Variants in TP63 observed in about 807,000 individuals in gnomAD.
TP63 encodes tumor protein 63.
In TP63, 17 loss-of-function variants were observed where a neutral mutation model predicts 82.8. The observed-to-expected ratio is 0.21, with a 90% CI of 0.14 to 0.31. The LOEUF (loss-of-function observed/expected upper bound fraction) is 0.31, where lower values mean the gene tolerates loss of function less well. Among genes scored for constraint, TP63 ranks in the 10% least tolerant of loss-of-function variants. The pLI, the probability that TP63 is intolerant of heterozygous loss-of-function variation, is 1.00. For missense variants in TP63, 648 were observed against 895.3 expected, an observed-to-expected ratio of 0.72 and a Z score of 3.52; for synonymous variants, 330 against 321.7, an observed-to-expected ratio of 1.03 and a Z score of -0.28.
intron 10 of TP63, among the ~76,000 whole-genome samples, chr3:189,879,195 A>G (rs1719629602): frequency 6.6e-6 from 1 of 152,166 alleles, no homozygotes; most frequent in East Asian, 1.9e-4. Flanking sequence ...TGGTTTACTG[A>G]ATCCTAGCAT....
In TP63 at chr3:189,669,215, G is replaced by T. The variant is rs545586610; in HGVS notation, c.62+37638G>T. Among the ~76,000 whole-genome samples the T allele has an allele frequency of 6.6e-5, 10 of 151,606 alleles. No homozygotes were observed. In the South Asian group the frequency reaches 1.0e-3, roughly 16 times the overall value. On this transcript the variant is annotated intron_variant, in intron 1 of 13. Coordinates refer to ENST00000264731, the MANE Select transcript of TP63 (RefSeq NM_003722.5). Reference sequence around the variant, plus strand: ...GGTGTGGTGCTAGTATATAGCAAAAGAAAAAAACAATACTAACAACCAAAA... The same window carrying T: ...GGTGTGGTGCTAGTATATAGCAAAATAAAAAAACAATACTAACAACCAAAA...
At chr3:189,845,932 TAGGC>T (rs1714802988) in intron 4 of TP63, among the ~76,000 whole-genome samples, 1 of 151,674 alleles carries the variant, frequency 6.6e-6, no homozygotes, top group Non-Finnish European at 1.5e-5. Flanking sequence ...TTTGGTGTAG[TAGGC>T]AGGGAGGGTT....
chr3:189,643,833 A>G (rs1333187354), intron 1 of TP63, among the ~76,000 whole-genome samples: 2 of 152,208 alleles, frequency 1.3e-5, no homozygotes, highest in Non-Finnish European at 2.9e-5. Context: ...CATATTTTTT[A>G]GACAACACTG....
chr3:189,638,935 C>T (rs531491998), intron 1 of TP63, among the ~76,000 whole-genome samples: 3 of 152,248 alleles, frequency 2.0e-5, no homozygotes, highest in East Asian at 3.9e-4. Context: ...AATACATGCT[C>T]ATAAAAAGGT....
chr3:189,877,947 C>T lies in TP63; in HGVS notation c.1349+4952C>T, dbSNP rs572891507. 2.6e-4 allele frequency among the ~76,000 whole-genome samples: 40 copies of T among 152,212 alleles called. No individual in the cohort carries two copies. The South Asian group carries it at 7.9e-3, about 30-fold the overall frequency. On this transcript the variant is annotated intron_variant, in intron 10 of 13. Transcript: ENST00000264731. ...CCCAGGCTGGACTTGGACTTCTGGG[C>T]TCAAGCGATCCCCTGCCTCAGCCTC... is the stretch of plus-strand genomic sequence containing the variant.
the TP63 span, among the ~76,000 whole-genome samples, chr3:189,600,417 A>G: frequency 7.7e-4 from 117 of 152,152 alleles, 1 homozygote; most frequent in Admixed American, 1.4e-3. Context: ...TAAGTGCTTT[A>G]CATGTATAAT....
intron 1 of TP63, among the ~76,000 whole-genome samples, chr3:189,712,675 G>A (rs1577286631): frequency 6.6e-6 from 1 of 152,116 alleles, no homozygotes. Context: ...TCAACATATA[G>A]ATTTGGTGGG....
At chr3:189,619,125 C>A in the TP63 span, among the ~76,000 whole-genome samples, 2 of 152,104 alleles carry the variant, frequency 1.3e-5, no homozygotes, top group Admixed American at 1.3e-4. Context: ...ATTCTGGCAA[C>A]TCTTTGGTAT....
chr3:189,897,137 C>T lies in TP63; in HGVS notation c.*2635C>T, dbSNP rs1721534750. 1 of 222,748 alleles carries T rather than the reference C, an allele frequency of 4.5e-6. No individual in the cohort carries two copies. Among genetic ancestry groups the T allele is most frequent in the African/African-American group, 2.2e-5 (1 of 44,756 alleles). 13.8% of individuals were successfully genotyped at this position (222,748 alleles called of 1,614,324 possible). A position where few individuals can be genotyped will look rare whatever the true frequency, so the allele number is the denominator to read the frequency against. On this transcript the variant is annotated 3_prime_UTR_variant, in exon 14 of 14. Coordinates refer to ENST00000264731, the MANE Select transcript of TP63 (RefSeq NM_003722.5). ...TTCAAAAGGTATTATACATGTGATA[C>T]ATTTTTTAAGCTTCAGTTGCTTGTC... is the stretch of plus-strand genomic sequence containing the variant.
At chr3:189,614,326 C>T in the TP63 span, among the ~76,000 whole-genome samples, 7 of 152,176 alleles carry the variant, frequency 4.6e-5, no homozygotes. Flanking sequence ...TCATTTTTCT[C>T]TTGCTGCCAC....
At chr3:189,774,351 A>G (rs13065563) in intron 3 of TP63, among the ~76,000 whole-genome samples, 27,165 of 152,226 alleles carry the variant, frequency 0.18, 2,791 homozygotes, top group South Asian at 0.28. Context: ...AACGAACTGC[A>G]TTTCCTGTAG....
At chr3:189,630,794 T>C (rs1729425783), upstream of TP63, among the ~76,000 whole-genome samples, 1 of 152,134 alleles carries the variant, frequency 6.6e-6, no homozygotes, top group African/African-American at 2.4e-5. Flanking sequence ...GGATATCTCT[T>C]TCTCTTAGCT....
In TP63 at chr3:189,894,563, TG is replaced by T; in HGVS notation, c.*62del. 6.3e-7 allele frequency: 1 copy of T among 1,591,540 alleles called. No individual in the cohort carries two copies. Among genetic ancestry groups the T allele is most frequent in the Non-Finnish European group, 8.6e-7 (1 of 1,169,470 alleles). Reference sequence around the variant, plus strand: ...ACTGCCAGCCCCCTAAAAGCACTCCTGCTTAATCTTCAAAGCCTTCTCCCTA... The same window carrying T: ...ACTGCCAGCCCCCTAAAAGCACTCCTCTTAATCTTCAAAGCCTTCTCCCTA... On this transcript the variant is annotated 3_prime_UTR_variant, in exon 14 of 14. Transcript: ENST00000264731.
the TP63 span, among the ~76,000 whole-genome samples, chr3:189,604,349 A>G: frequency 0.012 from 1,765 of 152,286 alleles, 37 homozygotes; most frequent in African/African-American, 0.04. Context: ...TTTAGCTCTC[A>G]TTCATTAAAT....
the TP63 span, among the ~76,000 whole-genome samples, chr3:189,618,517 A>G: frequency 6.6e-6 from 1 of 152,200 alleles, no homozygotes; most frequent in Non-Finnish European, 1.5e-5. Context: ...CATAATGGTA[A>G]ATATGGCCTC....
intron 1 of TP63, among the ~76,000 whole-genome samples, chr3:189,632,808 G>T (rs1469590124): frequency 6.6e-6 from 1 of 152,062 alleles, no homozygotes; most frequent in Non-Finnish European, 1.5e-5. Context: ...TCTAGCTGCA[G>T]TTGAGGATTG....
At chr3:189,867,536 G>A (rs571949870) in intron 6 of TP63, among the ~76,000 whole-genome samples, 6 of 152,140 alleles carry the variant, frequency 3.9e-5, no homozygotes, top group African/African-American at 7.2e-5. Context: ...TCATGAAGGT[G>A]GTATAGCCTA....
chr3:189,822,987 T>C (rs1728951330), intron 4 of TP63, among the ~76,000 whole-genome samples: 1 of 152,166 alleles, frequency 6.6e-6, no homozygotes, highest in South Asian at 2.1e-4. Flanking sequence ...AAGTTTTAGA[T>C]GAGAGAAACA....
intron 1 of TP63, among the ~76,000 whole-genome samples, chr3:189,693,075 T>C (rs1717072592): frequency 6.6e-6 from 1 of 152,188 alleles, no homozygotes; most frequent in Non-Finnish European, 1.5e-5. Context: ...CAGGTGCTTG[T>C]TACCTACAAC....
Sources: allele counts gnomAD v4.1 joint callset (sites outside exome capture counted in the v4.1 genomes callset), GRCh38; gene constraint gnomAD v4.1.1; transcripts MANE v1.5; gene names NCBI Gene and HGNC (gene_info 2026-07-23, HGNC 2026-07-21).